The following ARHGEF40 variants were observed in gnomAD, a reference collection of about 807,000 sequenced individuals.
The protein encoded by ARHGEF40 is Rho guanine nucleotide exchange factor 40.
In ARHGEF40, 98 loss-of-function variants were observed where a neutral mutation model predicts 165.9. The observed-to-expected ratio is 0.59, with a 90% confidence interval of 0.50 to 0.70. The LOEUF is 0.70. Ranked by LOEUF, ARHGEF40 falls within the 30% of genes least tolerant of loss-of-function variation. ARHGEF40 has a pLI of 0.00. For synonymous variants in ARHGEF40, 792 were observed against 814.3 expected, an observed-to-expected ratio of 0.97 and a Z score of 0.47; for missense variants, 1,815 against 1,968.0, an observed-to-expected ratio of 0.92 and a Z score of 1.47.
At chr14:21,080,240 ACACACACACC>A (rs1233519713) in intron 11 of ARHGEF40, among the ~76,000 whole-genome samples, 54 of 68,430 alleles carry the variant, frequency 7.9e-4, no homozygotes, top group African/African-American at 2.3e-3. Flanking sequence ...ACACACACAC[ACACACACACC>A]CCTTCTGTAC....
At chr14:21,080,618 T>G (rs553642543) in intron 11 of ARHGEF40, 42 bp from the exon 12 acceptor site, 17 of 1,583,228 alleles carry the variant, frequency 1.1e-5, no homozygotes, top group South Asian at 8.0e-5. Flanking sequence ...TCCTTGCCTT[T>G]CCACTCCATG....
chr14:21,073,295 C>G lies in ARHGEF40; in HGVS notation c.201+53C>G, dbSNP rs1887132247. The G allele has an allele frequency of 6.5e-7, 1 of 1,534,642 alleles. No individual in the cohort carries two copies. The highest frequency in any genetic ancestry group is 1.4e-5 in the African/African-American group (1 of 72,818). On this transcript the variant is annotated intron_variant, in intron 2 of 23. Transcript: ENST00000298694. The surrounding 1 kb of genome is among the most constrained non-coding windows in gnomAD (Gnocchi z 4.6). ...CTTCCCCAAGATCCACTGCCACACT[C>G]TACAGACTAGCCAGGCTGACTAATG...
At chr14:21,087,772 T>C in intron 21 of ARHGEF40, 196 bp from the exon 22 acceptor site, 1 of 774,050 alleles carries the variant, frequency 1.3e-6, no homozygotes, top group Admixed American at 2.4e-5. Flanking sequence ...TCCTGTCGCT[T>C]CTTCCCTGGT....
At position 21,083,908 on chromosome 14, in the gene ARHGEF40, G is replaced by T. The variant is rs762930972; in HGVS notation, c.3647G>T (p.Arg1216Leu). Residue 1216 changes from arginine (R) to leucine (L), a missense_variant, in exon 17 of 24, where the codon CGG becomes CTG. By Grantham distance (102) the Arg-to-Leu change is moderately radical. Coordinates refer to ENST00000298694, the MANE Select transcript of ARHGEF40 (RefSeq NM_018071.5). ...CTGGAACAGCTGACTCGGTATGGGC[G>T]GCTCCTGGAGGAGCTCCTGAGGGAA... is the stretch of plus-strand genomic sequence containing the variant. The part of the protein sequence containing the change: ...QPLEQLTRYG[R>L]LLEELLREAG... 1 of 1,614,106 alleles carries T rather than the reference G, an allele frequency of 6.2e-7. No homozygotes were observed. The highest frequency in any genetic ancestry group is 8.5e-7 in the Non-Finnish European group (1 of 1,180,036).
chr14:21,070,696 T>A lies in ARHGEF40; in HGVS notation c.3+297T>A. 1.8e-6 allele frequency: 2 copies of A among 1,090,234 alleles called. No individual in the cohort carries two copies. The highest frequency in any genetic ancestry group is 2.7e-6 in the Non-Finnish European group (2 of 754,548). The allele number at this position is 1,090,234 out of a possible 1,614,324, so 67.5% of individuals were successfully genotyped here. A position where few individuals can be genotyped will look rare whatever the true frequency, so the allele number is the denominator to read the frequency against. On this transcript the variant is annotated intron_variant, in intron 1 of 23. Coordinates refer to ENST00000298694, the MANE Select transcript of ARHGEF40 (RefSeq NM_018071.5). The surrounding 1 kb of genome is among the most constrained non-coding windows in gnomAD (Gnocchi z 4.7). ...CCCCGCTCCCCGCCCTCCTCTGTCCTGACCTGTGCCTTCCTTTCCTGGAGC... is the reference window on the plus strand; with the variant it reads ...CCCCGCTCCCCGCCCTCCTCTGTCCAGACCTGTGCCTTCCTTTCCTGGAGC...
chr14:21,086,954 G>T, intron 19 of ARHGEF40, 47 bp from the exon 20 acceptor site: 2 of 1,473,912 alleles, frequency 1.4e-6, no homozygotes, highest in Non-Finnish European at 1.9e-6. Flanking sequence ...GCTAGGGCTA[G>T]AGAGAAGGGC....
intron 15 of ARHGEF40, 58 bp downstream of exon 15, chr14:21,082,536 C>T (rs1888008487): frequency 2.7e-6 from 4 of 1,485,680 alleles, no homozygotes; most frequent in Non-Finnish European, 3.6e-6. Context: ...CAGCCTCATC[C>T]ATCTGTCCCT....
chr14:21,062,442 C>T, the ARHGEF40 span, among the ~76,000 whole-genome samples: 4 of 152,092 alleles, frequency 2.6e-5, no homozygotes, highest in Admixed American at 6.6e-5. Flanking sequence ...CACTGTGCTG[C>T]CTTCAGTTGG....
chr14:21,069,589 C>T (rs1886510462), upstream of ARHGEF40, among the ~76,000 whole-genome samples: 2 of 152,208 alleles, frequency 1.3e-5, no homozygotes, highest in Admixed American at 6.5e-5. Context: ...GGATGTCCGC[C>T]CCCTATCCCA....
At chr14:21,078,129 C>T (rs754603667) in intron 8 of ARHGEF40, 48 bp from the exon 9 acceptor site, 1 of 1,546,712 alleles carries the variant, frequency 6.5e-7, no homozygotes, top group Non-Finnish European at 8.8e-7. Flanking sequence ...GGCTTAAGTT[C>T]CTTCTTAAAC....
In ARHGEF40 at chr14:21,074,920, G is replaced by A; in HGVS notation, c.1190G>A (p.Ser397Asn). ...GRGALSRGGD[S>N]APLSPGDKED... ...GGGGCTCTTAGCCGAGGAGGGGACAGTGCCCCACTGAGCCCTGGGGACAAG... is the reference window on the plus strand; with the variant it reads ...GGGGCTCTTAGCCGAGGAGGGGACAATGCCCCACTGAGCCCTGGGGACAAG... Residue 397 changes from serine (S) to asparagine (N), a missense_variant, in exon 3 of 24, where the codon AGT (serine) becomes AAT (asparagine). Physicochemically the swap from Ser to Asn is conservative, Grantham distance 46. Coordinates refer to ENST00000298694, the MANE Select transcript of ARHGEF40 (RefSeq NM_018071.5). The surrounding 1 kb of genome is among the most constrained non-coding windows in gnomAD (Gnocchi z 4.8). 6.2e-7 allele frequency: 1 copy of A among 1,608,220 alleles called. No homozygotes were observed. Among genetic ancestry groups the A allele is most frequent in the Non-Finnish European group, 8.5e-7 (1 of 1,177,716 alleles).
At chr14:21,065,245 G>GACAA in the ARHGEF40 span, among the ~76,000 whole-genome samples, 3,848 of 151,170 alleles carry the variant, frequency 0.025, 173 homozygotes, top group African/African-American at 0.089. Context: ...TCCTCCAACA[G>GACAA]ACAAACAAAC....
upstream of ARHGEF40, among the ~76,000 whole-genome samples, chr14:21,067,761 T>TACACAC (rs3061993): frequency 0.027 from 3,999 of 150,094 alleles, 65 homozygotes; most frequent in African/African-American, 0.043. Flanking sequence ...TGTACACACG[T>TACACAC]ACACACACAC....
rs1329314441 is a variant in ARHGEF40, at chr14:21,081,796, A to T, written c.2928A>T (p.Gly976=). Residue 976 remains glycine (G), a synonymous_variant, in exon 14 of 24, where the codon GGA becomes GGT. Transcript: ENST00000298694. ...GGCGGGCAGACGGTGCCAGCAGTGG[A>T]GGGGCCCAGTGGGGGCCCCGCAGCC... ...RRRRADGASS[G]GAQWGPRSPS... is the part of the protein sequence containing the mutation. The T allele has an allele frequency of 3.1e-6, 5 of 1,600,264 alleles. No individual in the cohort carries two copies. The Admixed American group carries it at 5.1e-5, about 16-fold the overall frequency.
intron 20 of ARHGEF40, 46 bp from the exon 21 acceptor site, chr14:21,087,274 G>A: frequency 2.5e-6 from 4 of 1,591,830 alleles, no homozygotes; most frequent in Non-Finnish European, 3.4e-6. Flanking sequence ...AGCCAAGAGG[G>A]CTTTCCCACA....
At position 21,087,345 on chromosome 14, in the gene ARHGEF40, C is replaced by T. The variant is rs374139839; in HGVS notation, c.4269C>T (p.Ala1423=). The T allele has an allele frequency of 2.9e-5, 47 of 1,606,602 alleles. No homozygotes were observed. The highest frequency in any genetic ancestry group is 1.9e-4 in the African/African-American group (14 of 74,930). The change falls in exon 21 of 24, where the codon GCC becomes GCT. Residue 1423 remains alanine, a synonymous_variant. Coordinates refer to ENST00000298694, the MANE Select transcript of ARHGEF40 (RefSeq NM_018071.5). The stretch of plus-strand genomic sequence containing the variant: ...CCGCCCGCACCCGGGCCTCCGTGGC[C>T]GTGTCATCCTTTGAGCATGCCGGCC... ...GRAARTRASV[A]VSSFEHAGPS... is the part of the protein sequence containing the mutation.
chr14:21,085,642 G>A (rs764766189), intron 18 of ARHGEF40, 47 bp from the exon 19 acceptor site: 2 of 1,588,868 alleles, frequency 1.3e-6, no homozygotes, highest in Non-Finnish European at 1.7e-6. Flanking sequence ...GCGCCACCCA[G>A]CCAGGACTCA....
At chr14:21,069,044 G>A (rs1464799366), upstream of ARHGEF40, among the ~76,000 whole-genome samples, 2 of 152,174 alleles carry the variant, frequency 1.3e-5, no homozygotes, top group African/African-American at 4.8e-5. Flanking sequence ...GGGCACACGC[G>A]TTCACGCCCC....
Position 21,078,245 on chromosome 14 carries a change from G to T in ARHGEF40, c.2103G>T (p.Leu701=). The change falls in exon 9 of 24, where the codon CTG becomes CTT. Residue 701 remains leucine (L), a synonymous_variant. Coordinates refer to ENST00000298694, the MANE Select transcript of ARHGEF40 (RefSeq NM_018071.5). ...CGGTACGGCAGGCCATTGAGGAGCT[G>T]GAGGGAGCAGCAGAGCCAGAGGAAG... is the stretch of plus-strand genomic sequence containing the variant. The part of the protein sequence containing the change: ...LGSVRQAIEE[L]EGAAEPEEEE... 2 of 1,614,088 alleles carry T rather than the reference G, an allele frequency of 1.2e-6. No individual in the cohort carries two copies. The highest frequency in any genetic ancestry group is 1.7e-6 in the Non-Finnish European group (2 of 1,180,002).
Sources: gnomAD v4.1 joint callset for allele counts (sites outside exome capture counted in the v4.1 genomes callset) on GRCh38, gnomAD v4.1.1 for gene constraint, Gnocchi (gnomAD v3.1) non-coding constraint, MANE v1.5 for transcripts, NCBI Gene and HGNC (gene_info 2026-07-23, HGNC 2026-07-21) for gene names.